ANO6: variants seen among roughly 807,000 people sequenced by gnomAD.
ANO6 encodes the protein anoctamin-6.
In ANO6, 106 loss-of-function variants were observed where a neutral mutation model predicts 117.5. The ratio of observed to expected loss-of-function variants is 0.90; its 90% CI spans 0.77 to 1.06. The LOEUF is 1.06. Among genes scored for constraint, ANO6 ranks in the 50% least tolerant of loss-of-function variants. The probability of loss-of-function intolerance (pLI) is 0.00; values close to 1 mark genes in which losing one functional copy is unlikely to be tolerated. For synonymous variants in ANO6, 367 were observed against 385.1 expected (o/e 0.95, Z 0.55); for missense variants, 955 against 1,121.1 (o/e 0.85, Z 2.12).
intron 1 of ANO6, among the ~76,000 whole-genome samples, chr12:45,255,471 C>A (rs1157053557): frequency 1.3e-5 from 2 of 152,100 alleles, no homozygotes; most frequent in Non-Finnish European, 2.9e-5. Flanking sequence ...TGCACTCCAG[C>A]CTAGCGACAG....
chr12:45,277,252 A>G (rs1306387688), intron 1 of ANO6, among the ~76,000 whole-genome samples: 1 of 152,202 alleles, frequency 6.6e-6, no homozygotes, highest in Non-Finnish European at 1.5e-5. Context: ...CAGATGAGCT[A>G]TATAATATAG....
intron 9 of ANO6, among the ~76,000 whole-genome samples, chr12:45,372,958 A>G (rs905716320): frequency 2.0e-5 from 3 of 152,240 alleles, no homozygotes; most frequent in African/African-American, 7.2e-5. Context: ...TGCTGTATTC[A>G]GGAAACCCAT....
intron 1 of ANO6, among the ~76,000 whole-genome samples, chr12:45,293,491 T>TA (rs1230071072): frequency 6.6e-6 from 1 of 150,970 alleles, no homozygotes; most frequent in African/African-American, 2.4e-5. Context: ...ATTTTGCTTA[T>TA]AAAAATCACT....
At chr12:45,378,974 G>A (rs2137548528) in intron 10 of ANO6, among the ~76,000 whole-genome samples, 1 of 152,276 alleles carries the variant, frequency 6.6e-6, no homozygotes, top group South Asian at 2.1e-4. Context: ...CTTTGGGATA[G>A]AATCATTAAT....
At chr12:45,351,372 G>A (rs1202733610) in intron 7 of ANO6, among the ~76,000 whole-genome samples, 2 of 152,170 alleles carry the variant, frequency 1.3e-5, no homozygotes. Flanking sequence ...ACAATGACTA[G>A]CTCAAGAGTT....
intron 8 of ANO6, among the ~76,000 whole-genome samples, chr12:45,358,471 A>G (rs1018549490): frequency 2.7e-5 from 4 of 150,184 alleles, no homozygotes; most frequent in Non-Finnish European, 5.9e-5. Context: ...ACATTGTTCT[A>G]GTTTAAAAAA....
intron 3 of ANO6, among the ~76,000 whole-genome samples, chr12:45,346,813 C>T (rs540915438): frequency 2.6e-5 from 4 of 152,308 alleles, no homozygotes; most frequent in African/African-American, 4.8e-5. Flanking sequence ...GTACCCTCCA[C>T]GGCATTCTCT....
intron 12 of ANO6, among the ~76,000 whole-genome samples, chr12:45,400,657 A>G (rs1942760420): frequency 1.3e-5 from 2 of 152,238 alleles, no homozygotes; most frequent in South Asian, 4.1e-4. Flanking sequence ...AGTATTCCTA[A>G]TACACAAGAG....
intron 2 of ANO6, among the ~76,000 whole-genome samples, chr12:45,324,068 G>T (rs1430074139): frequency 6.6e-6 from 1 of 151,438 alleles, no homozygotes; most frequent in Non-Finnish European, 1.5e-5. Flanking sequence ...CTCCCGAGTA[G>T]CTGGGATTAC....
chr12:45,265,449 GAATGATAATAATA>G (rs1938183720), intron 1 of ANO6, among the ~76,000 whole-genome samples: 1 of 152,094 alleles, frequency 6.6e-6, no homozygotes, highest in Non-Finnish European at 1.5e-5. Flanking sequence ...TTGCAGTGTG[GAATGATAATAATA>G]AATGATAATG....
At chr12:45,217,052 T>C (rs975021944) in intron 1 of ANO6, among the ~76,000 whole-genome samples, 11 of 152,094 alleles carry the variant, frequency 7.2e-5, no homozygotes, top group African/African-American at 2.7e-4. Context: ...GGAGCAAACC[T>C]GGGGTGACCC....
At chr12:45,221,483 G>T (rs556005264) in intron 1 of ANO6, among the ~76,000 whole-genome samples, 1 of 152,274 alleles carries the variant, frequency 6.6e-6, no homozygotes, top group African/African-American at 2.4e-5. Flanking sequence ...TGCCGTGAAG[G>T]ATCCTCCATA....
intron 8 of ANO6, among the ~76,000 whole-genome samples, chr12:45,358,784 T>A (rs1254188811): frequency 7.5e-6 from 1 of 133,578 alleles, no homozygotes; most frequent in Non-Finnish European, 1.6e-5. Context: ...ATGTCCCTCC[T>A]TTTTTTTTTT....
intron 12 of ANO6, among the ~76,000 whole-genome samples, chr12:45,392,728 A>T: frequency 6.6e-6 from 1 of 152,130 alleles, no homozygotes; most frequent in East Asian, 1.9e-4. Flanking sequence ...CTGGAGTGGA[A>T]CTCCAACAGA....
At position 45,431,143 on chromosome 12, in the gene ANO6, G is replaced by A. The variant is rs1943622776; in HGVS notation, c.*1832G>A. On this transcript the variant is annotated 3_prime_UTR_variant, in exon 20 of 20. Coordinates refer to ENST00000320560, the MANE Select transcript of ANO6 (RefSeq NM_001025356.3). ...CCCCATTTCACTGTCTCTCTTGATC[G>A]TGTTAATGATGCAATCAGAGTTCAA... 1.7e-5 allele frequency: 17 copies of A among 985,142 alleles called. No individual in the cohort carries two copies. In the South Asian group the frequency reaches 2.3e-4, roughly 14 times the overall value. The allele number at this position is 985,142 out of a possible 1,614,324, so 61.0% of individuals were successfully genotyped here. A position where few individuals can be genotyped will look rare whatever the true frequency, so the allele number is the denominator to read the frequency against.
Position 45,424,355 on chromosome 12 carries a change from T to C in ANO6, c.2526+1293T>C, listed in dbSNP as rs33984115. 2.3e-5 allele frequency among the ~76,000 whole-genome samples: 3 copies of C among 129,216 alleles called. 1 individual carries two copies. In the East Asian group the frequency reaches 1.1e-3, roughly 48 times the overall value. 84.8% of individuals were successfully genotyped at this position (129,216 alleles called of 152,430 possible). ...TTTTTTTTTTTTTTTTTTTTTTTTT[T>C]AAAGACAGAGTCTCACTCTGTTGCC... On this transcript the variant is annotated intron_variant, in intron 19 of 19. Transcript: ENST00000320560.
At chr12:45,349,441 A>G (rs1941227144) in intron 6 of ANO6, among the ~76,000 whole-genome samples, 1 of 152,204 alleles carries the variant, frequency 6.6e-6, no homozygotes, top group African/African-American at 2.4e-5. Flanking sequence ...AAATTTTTAA[A>G]ATGTGACCAC....
At chr12:45,416,408 TC>T (rs1276145389) in intron 16 of ANO6, among the ~76,000 whole-genome samples, 1 of 152,224 alleles carries the variant, frequency 6.6e-6, no homozygotes, top group Non-Finnish European at 1.5e-5. Context: ...TTATGATGTC[TC>T]AAGTTTATTA....
intron 2 of ANO6, among the ~76,000 whole-genome samples, chr12:45,317,383 G>A (rs970011805): frequency 6.9e-6 from 1 of 144,022 alleles, no homozygotes; most frequent in Admixed American, 7.4e-5. Flanking sequence ...TTGGTTTTTT[G>A]TCCTTGCGAT....
Sources: allele counts gnomAD v4.1 joint callset (sites outside exome capture counted in the v4.1 genomes callset), GRCh38; gene constraint gnomAD v4.1.1; transcripts MANE v1.5; gene names NCBI Gene and HGNC (gene_info 2026-07-23, HGNC 2026-07-21).